Variants in DIAPH3 observed in about 807,000 individuals in gnomAD.
DIAPH3 encodes protein diaphanous homolog 3.
A neutral mutation model predicts 144.3 loss-of-function variants in DIAPH3; 117 were observed. That is an observed-to-expected ratio of 0.81 (90% CI 0.70 to 0.95). The LOEUF is 0.95. Among genes scored for constraint, DIAPH3 ranks in the 40% least tolerant of loss-of-function variants. DIAPH3 has a pLI of 0.00. For missense variants in DIAPH3, 1,421 were observed against 1,412.7 expected, an observed-to-expected ratio of 1.01 and a Z score of -0.09; for synonymous variants, 519 against 488.9, an observed-to-expected ratio of 1.06 and a Z score of -0.81.
intron 4 of DIAPH3, among the ~76,000 whole-genome samples, chr13:60,065,367 T>C (rs917897090): frequency 2.0e-5 from 3 of 151,368 alleles, no homozygotes; most frequent in Admixed American, 6.6e-5. Context: ...ATAATACAAC[T>C]ATTATAATTT....
At chr13:59,967,493 GAC>G (rs775201173) in intron 17 of DIAPH3, among the ~76,000 whole-genome samples, 1 of 152,084 alleles carries the variant, frequency 6.6e-6, no homozygotes, top group Non-Finnish European at 1.5e-5. Flanking sequence ...ATGAATAAAA[GAC>G]CACAAGTAGA....
chr13:59,666,420 A>G lies in DIAPH3; in HGVS notation c.*164T>C. 1 of 836,532 alleles carries G rather than the reference A, an allele frequency of 1.2e-6. No individual in the cohort carries two copies. Among genetic ancestry groups the G allele is most frequent in the Non-Finnish European group, 1.8e-6 (1 of 564,760 alleles). 51.8% of individuals were successfully genotyped at this position (836,532 alleles called of 1,614,324 possible). Reference sequence around the variant, plus strand: ...TTGAATAAACCAAAACCTCCAGTACATAGAAAAAGCATTGCAATCATATAT... The same window carrying G: ...TTGAATAAACCAAAACCTCCAGTACGTAGAAAAAGCATTGCAATCATATAT... On this transcript the variant is annotated 3_prime_UTR_variant, in exon 28 of 28. Transcript: ENST00000400324.
intron 1 of DIAPH3, among the ~76,000 whole-genome samples, chr13:60,142,948 C>T (rs1199769907): frequency 6.6e-6 from 1 of 151,540 alleles, no homozygotes; most frequent in East Asian, 1.9e-4. Context: ...GACGGCGGTC[C>T]CACTATGTTG....
At chr13:59,941,844 AG>A (rs2048550493) in intron 17 of DIAPH3, among the ~76,000 whole-genome samples, 1 of 103,478 alleles carries the variant, frequency 9.7e-6, no homozygotes, top group East Asian at 2.0e-4. Flanking sequence ...AAGGCAGCAA[AG>A]AAGGATGGCA....
intron 4 of DIAPH3, among the ~76,000 whole-genome samples, chr13:60,047,566 G>A (rs539553863): frequency 6.6e-6 from 1 of 152,100 alleles, no homozygotes; most frequent in South Asian, 2.1e-4. Context: ...TTCAATGGGG[G>A]GAAGAAGAAT....
chr13:59,974,043 T>C (rs1253614612), intron 15 of DIAPH3, among the ~76,000 whole-genome samples: 1 of 152,110 alleles, frequency 6.6e-6, no homozygotes, highest in Non-Finnish European at 1.5e-5. Flanking sequence ...GGGATAAAGA[T>C]CAGTGATGAA....
intron 1 of DIAPH3, among the ~76,000 whole-genome samples, chr13:60,142,033 G>A (rs2059435832): frequency 6.6e-6 from 1 of 152,194 alleles, no homozygotes. Flanking sequence ...AAGAAACAAG[G>A]GAGCTTGTTG....
At chr13:59,745,271 G>A (rs1213644179) in intron 27 of DIAPH3, among the ~76,000 whole-genome samples, 1 of 152,210 alleles carries the variant, frequency 6.6e-6, no homozygotes, top group Non-Finnish European at 1.5e-5. Flanking sequence ...TATTTCAAGT[G>A]TGAATACTGA....
At chr13:60,142,468 A>G (rs1363381654) in intron 1 of DIAPH3, among the ~76,000 whole-genome samples, 1 of 152,180 alleles carries the variant, frequency 6.6e-6, no homozygotes, top group Non-Finnish European at 1.5e-5. Flanking sequence ...ATGTCTAGAG[A>G]AAAAACAGTA....
chr13:60,130,703 T>C (rs2059116315), intron 2 of DIAPH3, among the ~76,000 whole-genome samples: 1 of 152,222 alleles, frequency 6.6e-6, no homozygotes, highest in African/African-American at 2.4e-5. Flanking sequence ...GTACTGGAAG[T>C]ATTCATTACA....
chr13:59,738,148 C>CAG (rs894884902), intron 27 of DIAPH3, among the ~76,000 whole-genome samples: 1 of 152,006 alleles, frequency 6.6e-6, no homozygotes, highest in African/African-American at 2.4e-5. Context: ...GCCTGGGCGA[C>CAG]AGAGAGAGAA....
intron 22 of DIAPH3, among the ~76,000 whole-genome samples, chr13:59,843,496 T>C (rs940731605): frequency 2.0e-5 from 3 of 152,180 alleles, no homozygotes; most frequent in Non-Finnish European, 4.4e-5. Flanking sequence ...CTCTTTATGA[T>C]TGGAAGCAAT....
chr13:59,758,442 T>G (rs2037398801), intron 27 of DIAPH3, among the ~76,000 whole-genome samples: 1 of 152,196 alleles, frequency 6.6e-6, no homozygotes, highest in Admixed American at 6.5e-5. Flanking sequence ...AAGAACAAGG[T>G]AAAGCTAGTT....
chr13:60,141,069 A>G (rs1240012132), intron 1 of DIAPH3, among the ~76,000 whole-genome samples: 2 of 152,124 alleles, frequency 1.3e-5, no homozygotes, highest in African/African-American at 4.8e-5. Flanking sequence ...CACAAATTCA[A>G]TTTCTGTGGC....
intron 16 of DIAPH3, among the ~76,000 whole-genome samples, chr13:59,970,343 C>T (rs529839775): frequency 6.6e-6 from 1 of 152,224 alleles, no homozygotes; most frequent in East Asian, 1.9e-4. Flanking sequence ...TCTTCACCTG[C>T]ACTATACATT....
chr13:60,023,460 G>A (rs1364870192), intron 5 of DIAPH3, among the ~76,000 whole-genome samples: 1 of 150,250 alleles, frequency 6.7e-6, no homozygotes, highest in Non-Finnish European at 1.5e-5. Flanking sequence ...TTGAGACACA[G>A]TCTTACCCTG....
intron 14 of DIAPH3, among the ~76,000 whole-genome samples, chr13:59,978,227 C>T (rs186259673): frequency 6.6e-5 from 10 of 151,806 alleles, no homozygotes; most frequent in Admixed American, 2.0e-4. Flanking sequence ...ATTTGTTGAA[C>T]GAAGTGATGA....
chr13:59,837,762 C>CTAA (rs2042115368), intron 23 of DIAPH3: 4 of 148,506 alleles, frequency 2.7e-5, no homozygotes, highest in Admixed American at 2.7e-4. Flanking sequence ...CAGATTTCAC[C>CTAA]TTTACTTAAA....
At chr13:59,807,092 A>G (rs1277147547) in intron 25 of DIAPH3, among the ~76,000 whole-genome samples, 1 of 151,936 alleles carries the variant, frequency 6.6e-6, no homozygotes, top group African/African-American at 2.4e-5. Context: ...ATCAATAAAT[A>G]AGCATGTAGT....
Sources: allele counts gnomAD v4.1 joint callset (sites outside exome capture counted in the v4.1 genomes callset), GRCh38; gene constraint gnomAD v4.1.1; transcripts MANE v1.5; gene names NCBI Gene and HGNC (gene_info 2026-07-23, HGNC 2026-07-21).